Variants in PDE4D observed in about 807,000 individuals in gnomAD.
PDE4D encodes the protein phosphodiesterase 4D, also known as 3',5'-cyclic-AMP phosphodiesterase 4D.
In PDE4D, 24 loss-of-function variants were observed where a neutral mutation model predicts 87.4. That is an observed-to-expected ratio of 0.27 (90% CI 0.20 to 0.39). PDE4D has a LOEUF of 0.39. PDE4D is among the 10% of genes least tolerant of loss of function. PDE4D has a pLI of 1.00. For missense variants in PDE4D, 714 were observed against 1,041.0 expected, an observed-to-expected ratio of 0.69 and a Z score of 4.32; for synonymous variants, 384 against 383.2, an observed-to-expected ratio of 1.00 and a Z score of -0.02.
intron 1 of PDE4D, among the ~76,000 whole-genome samples, chr5:59,305,943 T>C (rs1429359017): frequency 2.0e-5 from 3 of 152,210 alleles, no homozygotes; most frequent in Non-Finnish European, 4.4e-5. Context: ...TGTTTCTTTG[T>C]TGACTTTTTG....
intron 1 of PDE4D, among the ~76,000 whole-genome samples, chr5:59,544,210 C>A (rs140227941): frequency 6.6e-6 from 1 of 152,198 alleles, no homozygotes; most frequent in Non-Finnish European, 1.5e-5. Context: ...TTCCTGGATT[C>A]TCTCATTCAT....
intron 1 of PDE4D, among the ~76,000 whole-genome samples, chr5:59,472,031 T>C (rs1450595509): frequency 2.6e-5 from 4 of 151,974 alleles, no homozygotes; most frequent in African/African-American, 9.7e-5. Flanking sequence ...TATATGACAG[T>C]AGGGAGATGT....
intron 1 of PDE4D, among the ~76,000 whole-genome samples, chr5:59,609,913 A>C (rs555750229): frequency 1.3e-5 from 2 of 152,260 alleles, no homozygotes; most frequent in East Asian, 3.9e-4. Flanking sequence ...GGAGAACTGA[A>C]AGAACTTTTT....
chr5:59,897,154 C>T (rs984661955), upstream of PDE4D, among the ~76,000 whole-genome samples: 1 of 152,176 alleles, frequency 6.6e-6, no homozygotes, highest in Admixed American at 6.5e-5. Flanking sequence ...CCTGAACAAA[C>T]TTAAATAAGC....
At chr5:60,320,283 TG>T (rs1562320672) in intron 1 of PDE4D, among the ~76,000 whole-genome samples, 1 of 152,226 alleles carries the variant, frequency 6.6e-6, no homozygotes, top group African/African-American at 2.4e-5. Context: ...CTCTGAGCCA[TG>T]CACGGGATAT....
intron 1 of PDE4D, among the ~76,000 whole-genome samples, chr5:60,478,361 G>A (rs529296182): frequency 6.6e-6 from 1 of 151,998 alleles, no homozygotes. Context: ...TAAGCTGTCT[G>A]GTTTTCTTTA....
intron 3 of PDE4D, among the ~76,000 whole-genome samples, chr5:59,985,142 T>TA (rs1201325809): frequency 2.5e-5 from 3 of 119,006 alleles, no homozygotes; most frequent in Admixed American, 1.8e-4. Context: ...TTTTTTGTTT[T>TA]TTGTTTTTTA....
chr5:59,644,071 G>A (rs984976490), intron 1 of PDE4D, among the ~76,000 whole-genome samples: 4 of 152,204 alleles, frequency 2.6e-5, no homozygotes, highest in Admixed American at 1.3e-4. Context: ...GGGATTAAGG[G>A]CTATTCTTCC....
At chr5:59,064,131 G>C (rs1186512100) in intron 5 of PDE4D, among the ~76,000 whole-genome samples, 5 of 150,296 alleles carry the variant, frequency 3.3e-5, no homozygotes, top group Admixed American at 1.3e-4. Context: ...AGGAGGGAGG[G>C]AAGGAGGGAG....
In PDE4D at chr5:60,179,403, G is replaced by A. The variant is rs1420143380; in HGVS notation, c.42+6154C>T. ...TTTAGGAAAGCTTTAAGACTTAAAG[G>A]TTTTGGCGCAGAAGTATTGAACACA... On this transcript the variant is annotated intron_variant, in intron 2 of 16. Coordinates refer to the PDE4D transcript ENST00000502484. 3.3e-5 allele frequency among the ~76,000 whole-genome samples: 5 copies of A among 152,048 alleles called. No homozygotes were observed. In the South Asian group the frequency reaches 6.2e-4, roughly 19 times the overall value.
intron 1 of PDE4D, among the ~76,000 whole-genome samples, chr5:59,508,333 A>G (rs1389099137): frequency 1.3e-5 from 2 of 152,182 alleles, no homozygotes; most frequent in Non-Finnish European, 2.9e-5. Context: ...TTCTTTCAAA[A>G]ATTTCTAATC....
chr5:59,799,625 A>G (rs1766892330), intron 1 of PDE4D, among the ~76,000 whole-genome samples: 1 of 152,226 alleles, frequency 6.6e-6, no homozygotes, highest in Admixed American at 6.5e-5. Flanking sequence ...ATAGTAAACC[A>G]TCGGACCATA....
Position 60,285,361 on chromosome 5 carries a change from G to T in PDE4D, c.-89-99674C>A, listed in dbSNP as rs375600058. Among the ~76,000 whole-genome samples, 24 of 152,100 alleles carry T rather than the reference G, an allele frequency of 1.6e-4. No homozygotes were observed. The South Asian group carries it at 5.0e-3, about 32-fold the overall frequency. On this transcript the variant is annotated intron_variant, in intron 1 of 16. Coordinates refer to the PDE4D transcript ENST00000502484. The stretch of plus-strand genomic sequence containing the variant: ...AGACTTTAGAGAGGACATAGTGTCT[G>T]ATAAGGCACTCTGCTGAAAAATATG...
intron 5 of PDE4D, chr5:59,125,416 C>T: frequency 3.2e-6 from 1 of 308,020 alleles, no homozygotes; most frequent in Non-Finnish European, 4.7e-6. Context: ...ACCTTATTTG[C>T]TAATTCCCAT....
chr5:60,353,932 G>T (rs1759402870), intron 1 of PDE4D, among the ~76,000 whole-genome samples: 1 of 151,972 alleles, frequency 6.6e-6, no homozygotes, highest in South Asian at 2.1e-4. Context: ...CCATTCACGG[G>T]ATCATATTTA....
At chr5:59,863,958 G>C (rs189846195) in intron 1 of PDE4D, among the ~76,000 whole-genome samples, 2 of 152,228 alleles carry the variant, frequency 1.3e-5, no homozygotes, top group East Asian at 3.9e-4. Context: ...TCCCTGGAAG[G>C]CTGAGTCACT....
At chr5:60,375,029 C>A (rs1206122811) in intron 1 of PDE4D, among the ~76,000 whole-genome samples, 1 of 152,166 alleles carries the variant, frequency 6.6e-6, no homozygotes, top group East Asian at 1.9e-4. Flanking sequence ...CTGGTTCTAG[C>A]TCTGAAGGTG....
At chr5:59,062,451 G>C (rs1763263912) in intron 5 of PDE4D, among the ~76,000 whole-genome samples, 1 of 151,980 alleles carries the variant, frequency 6.6e-6, no homozygotes. Context: ...GAAGTAAAAA[G>C]GTATAAATAA....
rs542442424 is a variant in PDE4D, at chr5:60,176,016, T to C, written c.42+9541A>G. Among the ~76,000 whole-genome samples the C allele has an allele frequency of 2.0e-5, 3 of 152,280 alleles. No homozygotes were observed. The South Asian group carries it at 6.2e-4, about 32-fold the overall frequency. On this transcript the variant is annotated intron_variant, in intron 2 of 16. Coordinates refer to the PDE4D transcript ENST00000502484. ...TTCTCTTTGCCAATTAACTCTTTTG[T>C]TCCACTGGGAAATGGTTGTGGGTTT...
Sources: allele counts gnomAD v4.1 joint callset (sites outside exome capture counted in the v4.1 genomes callset), GRCh38; gene constraint gnomAD v4.1.1; transcripts MANE v1.5; gene names NCBI Gene and HGNC (gene_info 2026-07-23, HGNC 2026-07-21).